The following SF3A2 variants were observed in gnomAD, a reference collection of about 807,000 sequenced individuals.
The protein encoded by SF3A2 is splicing factor 3a subunit 2.
SF3A2 carries 5 observed loss-of-function variants against 31.1 expected under a neutral mutation model. That is an observed-to-expected ratio of 0.16 (90% CI 0.08 to 0.34). The LOEUF is 0.34. Ranked by LOEUF, SF3A2 falls within the 10% of genes least tolerant of loss-of-function variation. The pLI is 1.00. For missense variants in SF3A2, 577 were observed against 643.9 expected (o/e 0.90, Z 1.13); for synonymous variants, 365 against 263.7 (o/e 1.38, Z -3.72).
chr19:2,248,612 CTGCTCT>C lies in SF3A2; in HGVS notation c.*68_*73del. The C allele has an allele frequency of 2.2e-6, 1 of 449,328 alleles. No individual in the cohort carries two copies. Among genetic ancestry groups the C allele is most frequent in the Non-Finnish European group, 3.8e-6 (1 of 260,654 alleles). The allele number at this position is 449,328 out of a possible 1,614,324, so 27.8% of individuals were successfully genotyped here. ...CTTGCCTTTTCCCACTGAGAGAAGG[CTGCTCT>C]TTTGTACTGCCCCCCGCTCATTAAA... On this transcript the variant is annotated 3_prime_UTR_variant, in exon 9 of 9. Coordinates refer to ENST00000221494, the MANE Select transcript of SF3A2 (RefSeq NM_007165.5).
chr19:2,245,651 C>T lies in SF3A2; in HGVS notation c.355+96C>T. On this transcript the variant is annotated intron_variant, in intron 5 of 8. Coordinates refer to ENST00000221494, the MANE Select transcript of SF3A2 (RefSeq NM_007165.5). The surrounding 1 kb of genome is among the most constrained non-coding windows in gnomAD (Gnocchi z 4.2). Reference sequence around the variant, plus strand: ...CGGGAGGTGCAGCCCTGATAGCCTCCTCCCTGAGCCACTGTTTTCCGGCCT... The same window carrying T: ...CGGGAGGTGCAGCCCTGATAGCCTCTTCCCTGAGCCACTGTTTTCCGGCCT... 3 of 877,644 alleles carry T rather than the reference C, an allele frequency of 3.4e-6. No individual in the cohort carries two copies. The highest frequency in any genetic ancestry group is 5.5e-6 in the Non-Finnish European group (3 of 542,030). 54.4% of individuals were successfully genotyped at this position (877,644 alleles called of 1,614,324 possible). A position where few individuals can be genotyped will look rare whatever the true frequency, so the allele number is the denominator to read the frequency against.
intron 1 of SF3A2, among the ~76,000 whole-genome samples, chr19:2,242,655 C>T (rs999819269): frequency 1.3e-5 from 2 of 152,194 alleles, no homozygotes; most frequent in African/African-American, 4.8e-5. Flanking sequence ...TAAACCAGGG[C>T]CCGGGGCCAA....
At chr19:2,240,687 T>A (rs1210030790) in intron 1 of SF3A2, among the ~76,000 whole-genome samples, 1 of 152,262 alleles carries the variant, frequency 6.6e-6, no homozygotes, top group Non-Finnish European at 1.5e-5. Flanking sequence ...TTGCCCTAGA[T>A]GGATTTGAAC....
At chr19:2,247,115 T>C in intron 7 of SF3A2, 93 bp downstream of exon 7, 1 of 1,507,668 alleles carries the variant, frequency 6.6e-7, no homozygotes, top group Non-Finnish European at 8.8e-7. Flanking sequence ...CCATCGGGCT[T>C]GGGGTCCCCT....
Position 2,245,438 on chromosome 19 carries a change from G to A in SF3A2, c.246-8G>A. The A allele has an allele frequency of 6.5e-7, 1 of 1,548,262 alleles. No individual in the cohort carries two copies. Among genetic ancestry groups the A allele is most frequent in the Non-Finnish European group, 8.7e-7 (1 of 1,145,486 alleles). On this transcript the variant is annotated splice_polypyrimidine_tract_variant and splice_region_variant and intron_variant, in intron 4 of 8. Coordinates refer to ENST00000221494, the MANE Select transcript of SF3A2 (RefSeq NM_007165.5). The surrounding 1 kb of genome is among the most constrained non-coding windows in gnomAD (Gnocchi z 4.2). ...GGGGTCCCAGCAGCACCTCCATCCT[G>A]TCCGCAGGGCCCGGCGAGCAGCCAA...
intron 1 of SF3A2, among the ~76,000 whole-genome samples, chr19:2,242,403 G>T (rs1282718171): frequency 6.6e-6 from 1 of 152,146 alleles, no homozygotes; most frequent in African/African-American, 2.4e-5. Context: ...CTTGCCTCGG[G>T]GCCCCTTCCT....
At chr19:2,240,137 ACT>A (rs1160256847) in intron 1 of SF3A2, among the ~76,000 whole-genome samples, 1 of 151,000 alleles carries the variant, frequency 6.6e-6, no homozygotes, top group Non-Finnish European at 1.5e-5. Flanking sequence ...GTATTTGAGA[ACT>A]CTTCCTCTGG....
chr19:2,248,102 C>T lies in SF3A2; in HGVS notation c.951C>T (p.Pro317=). Residue 317 remains proline, a synonymous_variant, in exon 9 of 9, where the codon CCC becomes CCT. Transcript: ENST00000221494. ...ACCCCCCAGCTCCTGGCGTCCATCCCCCAGCCCCTGGGGTCCACCCACCAA... is the reference window on the plus strand; with the variant it reads ...ACCCCCCAGCTCCTGGCGTCCATCCTCCAGCCCCTGGGGTCCACCCACCAA... ...GVHPPAPGVH[P]PAPGVHPPTS... 1 of 1,101,396 alleles carries T rather than the reference C, an allele frequency of 9.1e-7. No homozygotes were observed. Among genetic ancestry groups the T allele is most frequent in the Non-Finnish European group, 1.3e-6 (1 of 749,126 alleles). The allele number at this position is 1,101,396 out of a possible 1,614,324, so 68.2% of individuals were successfully genotyped here. A position where few individuals can be genotyped will look rare whatever the true frequency, so the allele number is the denominator to read the frequency against.
At chr19:2,244,937 A>C (rs929678422) in intron 4 of SF3A2, 158 bp downstream of exon 4, 1 of 658,232 alleles carries the variant, frequency 1.5e-6, no homozygotes, top group African/African-American at 1.8e-5. Context: ...TAGAGAACAG[A>C]GGCATGGATG....
At chr19:2,238,424 T>G (rs1349979861) in intron 1 of SF3A2, among the ~76,000 whole-genome samples, 1 of 152,228 alleles carries the variant, frequency 6.6e-6, no homozygotes, top group East Asian at 1.9e-4. Flanking sequence ...ATTTATCAAT[T>G]TGTAGACATC....
At chr19:2,239,898 G>T (rs1018021235) in intron 1 of SF3A2, among the ~76,000 whole-genome samples, 4 of 152,102 alleles carry the variant, frequency 2.6e-5, no homozygotes, top group African/African-American at 9.7e-5. Context: ...TCAGCTTCCT[G>T]TTCTGGGTTT....
In SF3A2 at chr19:2,246,696, G is replaced by C. The variant is rs894800765; in HGVS notation, c.356-57G>C. 3.1e-6 allele frequency: 5 copies of C among 1,607,666 alleles called. No homozygotes were observed. The highest frequency in any genetic ancestry group is 1.1e-5 in the South Asian group (1 of 90,714). Reference sequence around the variant, plus strand: ...AGTGGGTGGCATTAGCCTGCCCCAGGTTCCTCAGCTTCGGAGAGGACAAGC... The same window carrying C: ...AGTGGGTGGCATTAGCCTGCCCCAGCTTCCTCAGCTTCGGAGAGGACAAGC... On this transcript the variant is annotated intron_variant, in intron 5 of 8. Coordinates refer to ENST00000221494, the MANE Select transcript of SF3A2 (RefSeq NM_007165.5). This position sits in a 1 kb window ranked among gnomAD's most constrained non-coding sequence, Gnocchi z 5.5.
chr19:2,241,099 G>A (rs899999032), intron 1 of SF3A2, among the ~76,000 whole-genome samples: 1 of 152,218 alleles, frequency 6.6e-6, no homozygotes, highest in Admixed American at 6.5e-5. Context: ...GCGTGGTCCA[G>A]GAGAGGCCAC....
intron 1 of SF3A2, among the ~76,000 whole-genome samples, chr19:2,241,251 G>T (rs2024886303): frequency 6.6e-6 from 1 of 152,094 alleles, no homozygotes; most frequent in Non-Finnish European, 1.5e-5. Context: ...GCCCCTCCTG[G>T]GTTCTTGGAG....
chr19:2,244,269 A>C (rs966048400), intron 2 of SF3A2, among the ~76,000 whole-genome samples: 1 of 151,642 alleles, frequency 6.6e-6, no homozygotes, highest in African/African-American at 2.4e-5. Flanking sequence ...CCTCTGACTC[A>C]GAACCACCAG....
chr19:2,243,322 G>A, intron 1 of SF3A2, 60 bp from the exon 2 acceptor site: 1 of 1,375,892 alleles, frequency 7.3e-7, no homozygotes, highest in Non-Finnish European at 9.7e-7. Context: ...GCCCAGGGAG[G>A]TCCCAGCAGC....
Position 2,248,555 on chromosome 19 carries a change from TC to T in SF3A2, c.*12del. 2.1e-6 allele frequency: 2 copies of T among 942,664 alleles called. No homozygotes were observed. Among genetic ancestry groups the T allele is most frequent in the Non-Finnish European group, 2.8e-6 (2 of 705,456 alleles). The allele number at this position is 942,664 out of a possible 1,614,324, so 58.4% of individuals were successfully genotyped here. On this transcript the variant is annotated 3_prime_UTR_variant, in exon 9 of 9. Coordinates refer to ENST00000221494, the MANE Select transcript of SF3A2 (RefSeq NM_007165.5). ...CTCCCCCAACCAACTGAGAAGCTGC[TC>T]CCTCCCCCAGCAAGCCCAGCGCCAG... is the stretch of plus-strand genomic sequence containing the variant.
Position 2,248,458 on chromosome 19 carries a change from A to G in SF3A2, c.1307A>G (p.His436Arg), listed in dbSNP as rs1443337161. Residue 436 changes from histidine to arginine, a missense_variant, in exon 9 of 9, where the codon CAC (histidine) becomes CGC (arginine). Around this residue, in one of 6 missense-constraint regions of SF3A2, gnomAD observed 462 missense variants for 339.1 expected, o/e 1.36. Transcript: ENST00000221494. ...PGVHPSNPGV[H>R]PPTPMPPMLR... ...GTTCACCCCTCAAATCCTGGGGTGC[A>G]CCCCCCAACTCCCATGCCCCCAATG... The G allele has an allele frequency of 1.3e-5, 15 of 1,187,716 alleles. No homozygotes were observed. In the South Asian group the frequency reaches 2.8e-4, roughly 22 times the overall value. 73.6% of individuals were successfully genotyped at this position (1,187,716 alleles called of 1,614,324 possible).
Position 2,245,288 on chromosome 19 carries a change from GTCC to G in SF3A2, c.246-155_246-153del, listed in dbSNP as rs1185769020. ...AAGAGAACATGCCTGTCCTATCCCTGTCCTCAGCCAAACCCCAGGGCCCCTCCC... is the reference window on the plus strand; with the variant it reads ...AAGAGAACATGCCTGTCCTATCCCTGTCAGCCAAACCCCAGGGCCCCTCCC... On this transcript the variant is annotated intron_variant, in intron 4 of 8. Transcript: ENST00000221494. The surrounding 1 kb of genome is among the most constrained non-coding windows in gnomAD (Gnocchi z 4.2). 4.9e-6 allele frequency: 3 copies of G among 606,562 alleles called. No homozygotes were observed. The highest frequency in any genetic ancestry group is 8.8e-6 in the Non-Finnish European group (3 of 339,508). 37.6% of individuals were successfully genotyped at this position (606,562 alleles called of 1,614,324 possible).
Sources: gnomAD v4.1 joint callset for allele counts (sites outside exome capture counted in the v4.1 genomes callset) on GRCh38, gnomAD v4.1.1 for gene constraint, gnomAD v4.1.1 regional missense constraint, Gnocchi (gnomAD v3.1) non-coding constraint, MANE v1.5 for transcripts, NCBI Gene and HGNC (gene_info 2026-07-23, HGNC 2026-07-21) for gene names.